The following MEI4 variants were observed in gnomAD, a reference collection of about 807,000 sequenced individuals.
MEI4 encodes the protein meiosis-specific protein MEI4.
MEI4 carries 27 observed loss-of-function variants against 31.4 expected under a neutral mutation model. That is an observed-to-expected ratio of 0.86 (90% CI 0.63 to 1.19). MEI4 has a LOEUF of 1.19. Among genes scored for constraint, MEI4 ranks in the 50% most tolerant of loss-of-function variants. The pLI is 0.00. For synonymous variants in MEI4, 122 were observed against 145.4 expected (o/e 0.84, Z 1.16); for missense variants, 329 against 398.9 (o/e 0.82, Z 1.49).
intron 3 of MEI4, among the ~76,000 whole-genome samples, chr6:77,773,081 T>A (rs991007433): frequency 3.3e-5 from 5 of 151,938 alleles, no homozygotes; most frequent in Admixed American, 3.3e-4. Flanking sequence ...TGTTCATGGA[T>A]TGGAATAATC....
At chr6:77,656,182 A>G (rs928396711) in intron 1 of MEI4, among the ~76,000 whole-genome samples, 9 of 152,144 alleles carry the variant, frequency 5.9e-5, no homozygotes, top group Admixed American at 1.3e-4. Flanking sequence ...AAGAATGAAA[A>G]CAACACATTA....
At chr6:77,886,842 T>C (rs1771631521) in intron 4 of MEI4, among the ~76,000 whole-genome samples, 1 of 152,212 alleles carries the variant, frequency 6.6e-6, no homozygotes, top group African/African-American at 2.4e-5. Context: ...GGGTCTTCTC[T>C]CTTTTTTTCT....
chr6:77,909,234 C>A (rs543857200), intron 4 of MEI4, among the ~76,000 whole-genome samples: 2 of 151,940 alleles, frequency 1.3e-5, no homozygotes, highest in South Asian at 2.1e-4. Context: ...GATAGAGACA[C>A]AAAAAACCCT....
intron 3 of MEI4, among the ~76,000 whole-genome samples, chr6:77,779,352 C>T (rs984444102): frequency 2.0e-5 from 3 of 152,134 alleles, no homozygotes; most frequent in Non-Finnish European, 2.9e-5. Context: ...ATAAGCTTTT[C>T]ATATGATTAA....
intron 3 of MEI4, among the ~76,000 whole-genome samples, chr6:77,826,735 CA>C (rs112531866): frequency 0.019 from 2,940 of 152,280 alleles, 98 homozygotes; most frequent in African/African-American, 0.067. Flanking sequence ...TAATAAGTGT[CA>C]GGGGCAGTGT....
chr6:77,804,644 C>T (rs780024448), intron 3 of MEI4, among the ~76,000 whole-genome samples: 1 of 152,188 alleles, frequency 6.6e-6, no homozygotes, highest in Non-Finnish European at 1.5e-5. Context: ...TAGTAGTTCA[C>T]ATCCCTTTCT....
rs1162117428 is a variant in MEI4, at chr6:77,847,684, A to T, written c.900+18622A>T. On this transcript the variant is annotated intron_variant, in intron 4 of 4. Transcript: ENST00000684080. The surrounding 1 kb of genome is among the most constrained non-coding windows in gnomAD (Gnocchi z 4.6). ...CTACTCCGATCTTTGTATTATAGAC[A>T]TTAACACATTTTAATGGAACCAATT... 2.0e-5 allele frequency among the ~76,000 whole-genome samples: 3 copies of T among 152,212 alleles called. No homozygotes were observed. The highest frequency in any genetic ancestry group is 4.8e-5 in the African/African-American group (2 of 41,466).
chr6:77,751,415 A>G (rs923493040), intron 2 of MEI4, among the ~76,000 whole-genome samples: 33 of 152,032 alleles, frequency 2.2e-4, no homozygotes, highest in Admixed American at 2.1e-3. Flanking sequence ...CAAATAGATG[A>G]AATAAAAAAT....
intron 3 of MEI4, among the ~76,000 whole-genome samples, chr6:77,762,339 A>G (rs1213304676): frequency 6.6e-6 from 1 of 152,208 alleles, no homozygotes; most frequent in Admixed American, 6.5e-5. Flanking sequence ...TGACATTGAG[A>G]TAACCTGAAG....
At chr6:77,863,349 G>A (rs1448596096) in intron 4 of MEI4, among the ~76,000 whole-genome samples, 3 of 150,488 alleles carry the variant, frequency 2.0e-5, no homozygotes, top group East Asian at 2.0e-4. Flanking sequence ...AAAATTAGAC[G>A]AATGGCTAAC....
At chr6:77,692,427 G>A (rs1359273690) in intron 2 of MEI4, among the ~76,000 whole-genome samples, 1 of 152,018 alleles carries the variant, frequency 6.6e-6, no homozygotes, top group African/African-American at 2.4e-5. Flanking sequence ...CTGACACACA[G>A]AAGGTGATCA....
chr6:77,677,459 T>C (rs368669978), intron 1 of MEI4, among the ~76,000 whole-genome samples: 3 of 152,210 alleles, frequency 2.0e-5, no homozygotes, highest in East Asian at 1.9e-4. Flanking sequence ...GGGGTCATTC[T>C]TGATATCTTT....
intron 4 of MEI4, among the ~76,000 whole-genome samples, chr6:77,896,785 G>T (rs1220836467): frequency 1.3e-5 from 2 of 151,976 alleles, no homozygotes; most frequent in Non-Finnish European, 2.9e-5. Flanking sequence ...CGTAGGTAAG[G>T]TTCTTTACAC....
chr6:77,682,973 C>T lies in MEI4; in HGVS notation c.-14-7685C>T, dbSNP rs117636220. ...GGAGGCAGAATTCTCATTCCATGGA[C>T]GATGTTTCCTCAATTCTGAAAGCCC... is the stretch of plus-strand genomic sequence containing the variant. On this transcript the variant is annotated intron_variant, in intron 1 of 4. Transcript: ENST00000684080. 7.3e-3 allele frequency among the ~76,000 whole-genome samples: 1,117 copies of T among 152,200 alleles called. 4 individuals are homozygous for T. The highest frequency in any genetic ancestry group is 0.012 in the Non-Finnish European group (821 of 68,010).
At chr6:77,666,684 C>G (rs1412669447) in intron 1 of MEI4, among the ~76,000 whole-genome samples, 1 of 152,164 alleles carries the variant, frequency 6.6e-6, no homozygotes, top group East Asian at 1.9e-4. Flanking sequence ...CTCTTCTAGC[C>G]GTTATGTTAG....
At chr6:77,835,082 ATAATTATAATTCTATATTATAAT>A (rs1562006492) in intron 4 of MEI4, among the ~76,000 whole-genome samples, 1 of 150,654 alleles carries the variant, frequency 6.6e-6, no homozygotes, top group African/African-American at 2.4e-5. Flanking sequence ...GAACCCTGAT[ATAATTATAATTCTATATTATAAT>A]TTTATAATAT....
chr6:77,736,601 C>T (rs140199640), intron 2 of MEI4, among the ~76,000 whole-genome samples: 3,116 of 152,218 alleles, frequency 0.02, 52 homozygotes, highest in Middle Eastern at 0.041. Flanking sequence ...TCTTCTGCGT[C>T]GCTCATGCTG....
At chr6:77,867,724 C>A (rs906249468) in intron 4 of MEI4, among the ~76,000 whole-genome samples, 1 of 146,500 alleles carries the variant, frequency 6.8e-6, no homozygotes, top group African/African-American at 2.5e-5. Flanking sequence ...TGGGTATATA[C>A]CCAAAGGATT....
At chr6:77,697,041 A>C (rs1432635207) in intron 2 of MEI4, among the ~76,000 whole-genome samples, 2 of 152,088 alleles carry the variant, frequency 1.3e-5, no homozygotes, top group African/African-American at 4.8e-5. Context: ...TAGATTTTCT[A>C]GTTTATTTGT....
Sources: allele counts gnomAD v4.1 joint callset (sites outside exome capture counted in the v4.1 genomes callset), GRCh38; gene constraint gnomAD v4.1.1; non-coding constraint Gnocchi (gnomAD v3.1); transcripts MANE v1.5; gene names NCBI Gene and HGNC (gene_info 2026-07-23, HGNC 2026-07-21).